The following AKR7A3 variants were observed in gnomAD, a reference collection of about 807,000 sequenced individuals.
AKR7A3 encodes the protein aldo-keto reductase family 7 member A3.
A neutral mutation model predicts 32.5 loss-of-function variants in AKR7A3; 37 were observed. The ratio of observed to expected loss-of-function variants is 1.14; its 90% CI spans 0.88 to 1.50. The LOEUF is 1.50. Ranked by LOEUF, AKR7A3 falls within the 40% of genes most tolerant of loss-of-function variation. AKR7A3 has a pLI of 0.00. For missense variants in AKR7A3, 412 were observed against 453.2 expected (o/e 0.91, Z 0.83); for synonymous variants, 177 against 188.4 (o/e 0.94, Z 0.50).
the AKR7A3 span, among the ~76,000 whole-genome samples, chr1:19,277,469 G>T: frequency 3.4e-4 from 51 of 151,670 alleles, no homozygotes; most frequent in Non-Finnish European, 6.5e-4. Context: ...GAAATTTATA[G>T]CACCACTTTG....
chr1:19,287,725 T>C (rs891057601), intron 1 of AKR7A3, among the ~76,000 whole-genome samples: 2 of 152,216 alleles, frequency 1.3e-5, no homozygotes, highest in African/African-American at 4.8e-5. Flanking sequence ...GTACTCTTCC[T>C]GGCAAACTCC....
chr1:19,280,862 G>A (rs1474003486), downstream of AKR7A3, among the ~76,000 whole-genome samples: 5 of 151,750 alleles, frequency 3.3e-5, no homozygotes, highest in East Asian at 1.9e-4. Flanking sequence ...GAGCCACCGC[G>A]CCCGGCCTAA....
chr1:19,278,675 T>G (rs1295688753), downstream of AKR7A3, among the ~76,000 whole-genome samples: 2 of 151,944 alleles, frequency 1.3e-5, no homozygotes, highest in Non-Finnish European at 2.9e-5. Flanking sequence ...GTTTCATGTA[T>G]TCAGAGGTGT....
At chr1:19,276,230 C>T in the AKR7A3 span, among the ~76,000 whole-genome samples, 3 of 151,234 alleles carry the variant, frequency 2.0e-5, no homozygotes, top group Non-Finnish European at 4.4e-5. Flanking sequence ...GGCGTGGTGG[C>T]GGGCACCTGT....
At chr1:19,288,094 AG>A (rs1305478558) in intron 1 of AKR7A3, among the ~76,000 whole-genome samples, 1 of 152,132 alleles carries the variant, frequency 6.6e-6, no homozygotes, top group Non-Finnish European at 1.5e-5. Context: ...CCAGGCGGTA[AG>A]AACAGAATTT....
chr1:19,281,020 G>A (rs1032308786), downstream of AKR7A3, among the ~76,000 whole-genome samples: 17 of 151,640 alleles, frequency 1.1e-4, no homozygotes, highest in Non-Finnish European at 1.9e-4. Context: ...TAGCATTGTA[G>A]TTGTTTTTTC....
At position 19,284,160 on chromosome 1, in the gene AKR7A3, C is replaced by T. The variant is rs780616670; in HGVS notation, c.705-35G>A. On this transcript the variant is annotated intron_variant, in intron 5 of 6. Transcript: ENST00000361640. Reference sequence around the variant, plus strand: ...GGGGACGGTGGCACAGGTGTCAGGGCCACATTGGGAGCCACAACCAAAGAG... The same window carrying T: ...GGGGACGGTGGCACAGGTGTCAGGGTCACATTGGGAGCCACAACCAAAGAG... 3 of 1,585,654 alleles carry T rather than the reference C, an allele frequency of 1.9e-6. No homozygotes were observed. In the Admixed American group the frequency reaches 5.3e-5, roughly 28 times the overall value.
At chr1:19,286,413 G>T in intron 1 of AKR7A3, 41 bp from the exon 2 acceptor site, 1 of 1,595,942 alleles carries the variant, frequency 6.3e-7, no homozygotes, top group East Asian at 2.2e-5. Flanking sequence ...CAGGCGCCGT[G>T]GCTCATGCCT....
At chr1:19,275,584 T>C in the AKR7A3 span, among the ~76,000 whole-genome samples, 8 of 151,652 alleles carry the variant, frequency 5.3e-5, 1 homozygote, top group South Asian at 2.1e-4. Flanking sequence ...AAAGGGAGGA[T>C]TGAGCCCAGG....
chr1:19,282,570 C>A (rs1178066879), downstream of AKR7A3: 13 of 1,206,062 alleles, frequency 1.1e-5, no homozygotes, highest in Admixed American at 2.2e-5. Context: ...ACACACAGCA[C>A]CCTGGGAGTT....
rs1290200585 is a variant in AKR7A3, at chr1:19,288,662, G to T, written c.48C>A (p.Ala16=). Residue 16 remains alanine, a synonymous_variant, in exon 1 of 7, where the codon GCC becomes GCA. Transcript: ENST00000361640. ...SRARPATVLG[A]MEMGRRMDAP... ...CGTCCATGCGGCGCCCCATCTCCAT[G>T]GCGCCCAGCACCGTGGCTGGCCGGG... 2 of 1,542,712 alleles carry T rather than the reference G, an allele frequency of 1.3e-6. No individual in the cohort carries two copies. The highest frequency in any genetic ancestry group is 2.0e-5 in the Admixed American group (1 of 50,934).
downstream of AKR7A3, among the ~76,000 whole-genome samples, chr1:19,278,516 G>A (rs952814529): frequency 5.9e-5 from 9 of 151,514 alleles, no homozygotes; most frequent in African/African-American, 1.7e-4. Flanking sequence ...AGCCAAGATC[G>A]CGCCACTGCA....
chr1:19,286,675 A>AAAAC (rs1227109649), intron 1 of AKR7A3, among the ~76,000 whole-genome samples: 3 of 151,944 alleles, frequency 2.0e-5, no homozygotes, highest in South Asian at 2.1e-4. Flanking sequence ...GACTTCTCAA[A>AAAAC]AAACAAACAA....
chr1:19,286,240 T>C lies in AKR7A3; in HGVS notation c.347A>G (p.Asp116Gly). Residue 116 changes from aspartate (D) to glycine (G), a missense_variant, in exon 2 of 7, where the codon GAC becomes GGC. Transcript: ENST00000361640. ...TGTCTCTTCCACCGGGGTGCTGTGG[T>C]CTGGCATATGCAGGTAGAAGAGGTC... ...RVDLFYLHMP[D>G]HSTPVEETLR... 7 of 1,613,518 alleles carry C rather than the reference T, an allele frequency of 4.3e-6. No individual in the cohort carries two copies. Among genetic ancestry groups the C allele is most frequent in the South Asian group, 1.1e-5 (1 of 91,054 alleles).
chr1:19,286,513 C>T, intron 1 of AKR7A3, 141 bp from the exon 2 acceptor site: 2 of 837,136 alleles, frequency 2.4e-6, no homozygotes, highest in South Asian at 1.7e-5. Flanking sequence ...AACCCCATCT[C>T]TAATAAAAAC....
At chr1:19,276,288 G>A in the AKR7A3 span, among the ~76,000 whole-genome samples, 1 of 147,982 alleles carries the variant, frequency 6.8e-6, no homozygotes, top group South Asian at 2.2e-4. Context: ...TTGAACCCAG[G>A]AGGCAGAGGT....
chr1:19,283,599 G>A (rs1280909101), intron 6 of AKR7A3, among the ~76,000 whole-genome samples: 1 of 152,042 alleles, frequency 6.6e-6, no homozygotes, highest in Non-Finnish European at 1.5e-5. Flanking sequence ...AGAGGCTGAG[G>A]AGGGCGAATT....
downstream of AKR7A3, among the ~76,000 whole-genome samples, chr1:19,278,491 G>A (rs960253748): frequency 6.6e-6 from 1 of 151,680 alleles, no homozygotes; most frequent in Non-Finnish European, 1.5e-5. Flanking sequence ...AACCCAGGAG[G>A]CGGAGGTTGC....
intron 6 of AKR7A3, 103 bp downstream of exon 6, chr1:19,283,893 G>C (rs2093723275): frequency 3.9e-6 from 6 of 1,555,312 alleles, no homozygotes; most frequent in Non-Finnish European, 5.2e-6. Context: ...GAAAGAAAGA[G>C]AAATTTCAGA....
Sources: allele counts gnomAD v4.1 joint callset (sites outside exome capture counted in the v4.1 genomes callset), GRCh38; gene constraint gnomAD v4.1.1; transcripts MANE v1.5; gene names NCBI Gene and HGNC (gene_info 2026-07-23, HGNC 2026-07-21).